ARHGEF11: variants seen among roughly 807,000 people sequenced by gnomAD.
The protein encoded by ARHGEF11 is Rho guanine nucleotide exchange factor 11.
Under a neutral mutation model 193.7 loss-of-function variants are expected in ARHGEF11, and 55 were observed. The ratio of observed to expected loss-of-function variants is 0.28; its 90% CI spans 0.23 to 0.36. The LOEUF (loss-of-function observed/expected upper bound fraction) is 0.36. ARHGEF11 is among the 10% of genes least tolerant of loss of function. ARHGEF11 has a pLI of 1.00. For synonymous variants in ARHGEF11, 693 were observed against 768.0 expected (o/e 0.90, Z 1.62); for missense variants, 1,723 against 2,005.6 (o/e 0.86, Z 2.69).
Position 156,943,807 on chromosome 1 carries a change from G to A in ARHGEF11, c.3235+128C>T, listed in dbSNP as rs1348525546. ...AGTCCTACCACTTAGGCTGGGTCAGGACAGGAGGAAAGGAACACAGGTGGA... is the reference window on the plus strand; with the variant it reads ...AGTCCTACCACTTAGGCTGGGTCAGAACAGGAGGAAAGGAACACAGGTGGA... On this transcript the variant is annotated intron_variant, in intron 32 of 40. Transcript: ENST00000368194. 3 of 1,210,310 alleles carry A rather than the reference G, an allele frequency of 2.5e-6. No homozygotes were observed. In the South Asian group the frequency reaches 4.6e-5, roughly 19 times the overall value. 75.0% of individuals were successfully genotyped at this position (1,210,310 alleles called of 1,614,324 possible).
chr1:157,014,545 T>G, intron 1 of ARHGEF11, among the ~76,000 whole-genome samples: 1 of 152,316 alleles, frequency 6.6e-6, no homozygotes, highest in East Asian at 1.9e-4. Context: ...AAATATTTCC[T>G]TGACCCAACA....
At chr1:156,940,787 G>A (rs1656687469) in intron 35 of ARHGEF11, among the ~76,000 whole-genome samples, 1 of 152,190 alleles carries the variant, frequency 6.6e-6, no homozygotes, top group African/African-American at 2.4e-5. Context: ...ATTGGGCCAA[G>A]AGGACACTGG....
chr1:156,968,264 T>G, intron 10 of ARHGEF11, 140 bp from the exon 11 acceptor site: 16 of 899,730 alleles, frequency 1.8e-5, no homozygotes, highest in South Asian at 3.6e-5. Context: ...CCTGGTATTA[T>G]ACTAAGCCCT....
chr1:156,973,544 G>C (rs1662828035), intron 7 of ARHGEF11, among the ~76,000 whole-genome samples: 1 of 152,086 alleles, frequency 6.6e-6, no homozygotes, highest in Non-Finnish European at 1.5e-5. Context: ...TTTCAACCCA[G>C]GCTTTTCTCC....
At chr1:156,938,776 T>C (rs1162463682) in intron 37 of ARHGEF11, 1 of 438,762 alleles carries the variant, frequency 2.3e-6, no homozygotes, top group Non-Finnish European at 4.0e-6. Flanking sequence ...GAATGAAAAA[T>C]GCTGCTGGAA....
chr1:156,936,817 A>C lies in ARHGEF11; in HGVS notation c.4629T>G (p.Asp1543Glu). ...CGAGAGGGACCTGGCTTCACTCACC[A>C]TCCTCAGGGCAGGGCCCCAGTTCAT... Reference protein sequence around the residue: ...NSHELGPCPEDGSDAPLEDST... With the variant: ...NSHELGPCPEEGSDAPLEDST... Residue 1543 changes from aspartate to glutamate, a missense_variant and splice_region_variant, in exon 40 of 41, where the codon GAT becomes GAG. Asp to Glu is a conservative substitution (Grantham distance 45). This residue lies in a region of ARHGEF11 where 360 missense variants were observed against 344.4 expected (regional missense o/e 1.05). Transcript: ENST00000368194. 3.1e-6 allele frequency: 5 copies of C among 1,612,518 alleles called. No homozygotes were observed. The highest frequency in any genetic ancestry group is 4.2e-6 in the Non-Finnish European group (5 of 1,179,056).
Position 156,992,717 on chromosome 1 carries a change from C to T in ARHGEF11, c.33-6544G>A, listed in dbSNP as rs1413209166. On this transcript the variant is annotated intron_variant, in intron 1 of 40. Transcript: ENST00000368194. ...AGAAGTTCTGGCATCCTCGAGCTTA[C>T]GGTCTCACATAGAGACAATCAGCTG... is the stretch of plus-strand genomic sequence containing the variant. 2.6e-5 allele frequency among the ~76,000 whole-genome samples: 4 copies of T among 152,190 alleles called. No homozygotes were observed. The East Asian group carries it at 5.8e-4, about 22-fold the overall frequency.
chr1:156,947,117 A>G (rs1191282686), intron 26 of ARHGEF11, 102 bp from the exon 27 acceptor site: 1 of 1,516,122 alleles, frequency 6.6e-7, no homozygotes, highest in Non-Finnish European at 9.1e-7. Context: ...TGCCATGGGA[A>G]GGGTCTGGAA....
At chr1:156,971,603 T>C in intron 8 of ARHGEF11, 94 bp downstream of exon 8, 1 of 1,477,478 alleles carries the variant, frequency 6.8e-7, no homozygotes, top group Non-Finnish European at 9.1e-7. Flanking sequence ...GGTCCTGGCA[T>C]AACCCAAGAA....
Position 156,937,455 on chromosome 1 carries a change from A to G in ARHGEF11, c.4234T>C (p.Ser1412Pro), listed in dbSNP as rs138935998. The change falls in exon 39 of 41, where the codon TCA (serine) becomes CCA (proline). Residue 1412 changes from serine to proline, a missense_variant. Ser to Pro is a moderately conservative substitution (Grantham distance 74). This residue lies in a region of ARHGEF11 where 360 missense variants were observed against 344.4 expected (regional missense o/e 1.05). Coordinates refer to ENST00000368194, the MANE Select transcript of ARHGEF11 (RefSeq NM_198236.3). ...GGTGCCTCTGAGTGGTCGGTGCTTGAGTCCGGGGGTCCTGATGGCATGCTG... is the reference window on the plus strand; with the variant it reads ...GGTGCCTCTGAGTGGTCGGTGCTTGGGTCCGGGGGTCCTGATGGCATGCTG... Reference protein sequence around the residue: ...YVSMPSGPPDSSTDHSEAPMS... With the variant: ...YVSMPSGPPDPSTDHSEAPMS... 1.3e-4 allele frequency: 195 copies of G among 1,546,976 alleles called. No homozygotes were observed. In the African/African-American group the frequency reaches 2.5e-3, roughly 20 times the overall value.
intron 1 of ARHGEF11, among the ~76,000 whole-genome samples, chr1:157,028,866 G>C (rs923015877): frequency 1.3e-5 from 2 of 152,034 alleles, no homozygotes; most frequent in Non-Finnish European, 2.9e-5. Flanking sequence ...GAAAGTGTTG[G>C]TAAAGATATG....
chr1:157,025,304 G>A (rs1165701132), intron 1 of ARHGEF11, among the ~76,000 whole-genome samples: 1 of 152,186 alleles, frequency 6.6e-6, no homozygotes, highest in Non-Finnish European at 1.5e-5. Context: ...GTTCCCTAAA[G>A]GCAAGTACTA....
intron 1 of ARHGEF11, among the ~76,000 whole-genome samples, chr1:156,998,429 T>C (rs928179257): frequency 4.6e-5 from 7 of 152,226 alleles, no homozygotes; most frequent in African/African-American, 1.4e-4. Context: ...AGTGTGGAGT[T>C]AGAACAGGCC....
At position 156,956,472 on chromosome 1, in the gene ARHGEF11, T is replaced by A; in HGVS notation, c.1619A>T (p.Gln540Leu). 6.2e-7 allele frequency: 1 copy of A among 1,614,168 alleles called. No homozygotes were observed. The highest frequency in any genetic ancestry group is 8.5e-7 in the Non-Finnish European group (1 of 1,180,022). The part of the protein sequence containing the change: ...ARPSNTAEKA[Q>L]SAPDKDKWLP... ...CCACTTGTCCTTGTCAGGAGCAGACTGGGCCTTTTCAGCTGTGTTGGAAGG... is the reference window on the plus strand; with the variant it reads ...CCACTTGTCCTTGTCAGGAGCAGACAGGGCCTTTTCAGCTGTGTTGGAAGG... Residue 540 changes from glutamine (Q) to leucine (L), a missense_variant, in exon 19 of 41, where the codon CAG becomes CTG. Coordinates refer to ENST00000368194, the MANE Select transcript of ARHGEF11 (RefSeq NM_198236.3).
chr1:156,948,459 G>T lies in ARHGEF11; in HGVS notation c.1965C>A (p.Leu655=). Residue 655 remains leucine, a synonymous_variant, in exon 23 of 41, where the codon CTC becomes CTA. Transcript: ENST00000368194. The surrounding 1 kb of genome is among the most constrained non-coding windows in gnomAD (Gnocchi z 4.2). ...ACCGTTTCATCTCTTCCCGGCCCTT[G>T]AGGCTTTCAGAGCGGCCCAGGCGAA... ...SEIRLGRSES[L]KGREEMKRSR... is the part of the protein sequence containing the mutation. 1 of 1,614,232 alleles carries T rather than the reference G, an allele frequency of 6.2e-7. No individual in the cohort carries two copies. Among genetic ancestry groups the T allele is most frequent in the Non-Finnish European group, 8.5e-7 (1 of 1,180,042 alleles).
intron 1 of ARHGEF11, among the ~76,000 whole-genome samples, chr1:156,989,452 A>G (rs1469005457): frequency 6.6e-6 from 1 of 152,020 alleles, no homozygotes; most frequent in Non-Finnish European, 1.5e-5. Flanking sequence ...TCTCATCAAG[A>G]ACTTATCATT....
intron 2 of ARHGEF11, chr1:156,985,863 G>A (rs1484854113): frequency 4.3e-6 from 2 of 464,710 alleles, no homozygotes; most frequent in Non-Finnish European, 7.8e-6. Context: ...TCTGACCTGG[G>A]TCAGTTCACC....
Position 156,951,577 on chromosome 1 carries a change from C to T in ARHGEF11, c.1921G>A (p.Asp641Asn). ...GSFPEDLLES[D>N]SSRSEIRLGR... Reference sequence around the variant, plus strand: ...GTCCCATCCAGCCAGTGCTACCTGTCACTCTCCAGCAGGTCCTCAGGAAAG... The same window carrying T: ...GTCCCATCCAGCCAGTGCTACCTGTTACTCTCCAGCAGGTCCTCAGGAAAG... Residue 641 changes from aspartate (D) to asparagine (N), a missense_variant, in exon 22 of 41, where the codon GAC (aspartate) becomes AAC (asparagine). Asp to Asn is a conservative substitution (Grantham distance 23, BLOSUM62 1). Coordinates refer to ENST00000368194, the MANE Select transcript of ARHGEF11 (RefSeq NM_198236.3). 1.9e-6 allele frequency: 3 copies of T among 1,613,944 alleles called. No individual in the cohort carries two copies. The highest frequency in any genetic ancestry group is 2.5e-6 in the Non-Finnish European group (3 of 1,179,988).
intron 1 of ARHGEF11, among the ~76,000 whole-genome samples, chr1:157,018,652 A>G (rs1312093795): frequency 6.6e-6 from 1 of 151,586 alleles, no homozygotes; most frequent in East Asian, 1.9e-4. Flanking sequence ...TCAAAAAGAA[A>G]AAAAAAAAAA....
Sources: allele counts gnomAD v4.1 joint callset (sites outside exome capture counted in the v4.1 genomes callset), GRCh38; gene constraint gnomAD v4.1.1; regional missense constraint gnomAD v4.1.1; non-coding constraint Gnocchi (gnomAD v3.1); transcripts MANE v1.5; gene names NCBI Gene and HGNC (gene_info 2026-07-23, HGNC 2026-07-21).